CTNND2: variants seen among roughly 807,000 people sequenced by gnomAD.
The protein encoded by CTNND2 is catenin delta 2.
A neutral mutation model predicts 144.4 loss-of-function variants in CTNND2; 22 were observed. The ratio of observed to expected loss-of-function variants is 0.15; its 90% CI spans 0.11 to 0.22. CTNND2 has a LOEUF of 0.22. CTNND2 is among the 10% of genes least tolerant of loss of function. The pLI is 1.00. For missense variants in CTNND2, 1,353 were observed against 1,618.8 expected, an observed-to-expected ratio of 0.84 and a Z score of 2.82; for synonymous variants, 751 against 695.6, an observed-to-expected ratio of 1.08 and a Z score of -1.25.
In CTNND2 at chr5:11,000,079, A is replaced by G. The variant is rs927334942; in HGVS notation, c.3085-7402T>C. ...GAATCTATAACACTCTCCATTTTAT[A>G]TTTCTGAACATCCTGTAAACATCGC... is the stretch of plus-strand genomic sequence containing the variant. On this transcript the variant is annotated intron_variant, in intron 18 of 21. Transcript: ENST00000304623. Among the ~76,000 whole-genome samples the G allele has an allele frequency of 9.2e-5, 14 of 152,292 alleles. 1 individual carries two copies. Among genetic ancestry groups the G allele is most frequent in the Admixed American group, 9.1e-4 (14 of 15,302 alleles).
At chr5:11,872,803 G>A (rs1735257167) in intron 1 of CTNND2, among the ~76,000 whole-genome samples, 1 of 152,026 alleles carries the variant, frequency 6.6e-6, no homozygotes, top group Admixed American at 6.6e-5. Flanking sequence ...CTAGCCATAT[G>A]CAGAAAACTG....
intron 21 of CTNND2, among the ~76,000 whole-genome samples, chr5:10,979,753 A>G (rs979959241): frequency 3.3e-5 from 5 of 152,198 alleles, no homozygotes; most frequent in African/African-American, 7.2e-5. Flanking sequence ...AACACCACAC[A>G]TCTACAACCA....
intron 1 of CTNND2, among the ~76,000 whole-genome samples, chr5:11,809,165 T>C (rs1447224192): frequency 1.3e-5 from 2 of 152,218 alleles, no homozygotes; most frequent in Non-Finnish European, 2.9e-5. Flanking sequence ...GTTTTAACTA[T>C]TACTACCTTA....
At chr5:11,513,630 T>C (rs1423290719) in intron 3 of CTNND2, among the ~76,000 whole-genome samples, 3 of 152,216 alleles carry the variant, frequency 2.0e-5, no homozygotes, top group African/African-American at 7.2e-5. Flanking sequence ...TCCCTAAGTA[T>C]GTATTGATGA....
intron 1 of CTNND2, among the ~76,000 whole-genome samples, chr5:11,751,562 T>C (rs969736990): frequency 2.6e-5 from 4 of 151,916 alleles, no homozygotes. Context: ...ATGAACGTGA[T>C]CTTGTGCTTT....
chr5:11,197,400 C>G (rs1244813007), intron 11 of CTNND2, among the ~76,000 whole-genome samples: 2 of 152,164 alleles, frequency 1.3e-5, no homozygotes, highest in African/African-American at 4.8e-5. Context: ...AGGAGACAGA[C>G]AGAGAGCCTC....
At chr5:11,095,738 G>A (rs1010311766) in intron 15 of CTNND2, among the ~76,000 whole-genome samples, 14 of 152,138 alleles carry the variant, frequency 9.2e-5, no homozygotes, top group Admixed American at 5.2e-4. Flanking sequence ...TAGATGTGGC[G>A]CAGTTCTTTG....
At chr5:11,775,268 T>C (rs1047458712) in intron 1 of CTNND2, among the ~76,000 whole-genome samples, 1 of 152,210 alleles carries the variant, frequency 6.6e-6, no homozygotes, top group East Asian at 1.9e-4. Context: ...GGCATTTGAA[T>C]TGACGAAAAT....
At chr5:11,007,933 A>T (rs932100641) in intron 18 of CTNND2, among the ~76,000 whole-genome samples, 1 of 152,244 alleles carries the variant, frequency 6.6e-6, no homozygotes, top group African/African-American at 2.4e-5. Flanking sequence ...CACTTGATTA[A>T]GAACTGGAAG....
intron 2 of CTNND2, among the ~76,000 whole-genome samples, chr5:11,724,783 T>C (rs367591406): frequency 6.6e-6 from 1 of 152,238 alleles, no homozygotes; most frequent in African/African-American, 2.4e-5. Context: ...AATTTGAGCA[T>C]AATTTCTTTA....
chr5:11,071,393 T>C (rs10057715), intron 16 of CTNND2, among the ~76,000 whole-genome samples: 11,218 of 151,912 alleles, frequency 0.074, 736 homozygotes, highest in African/African-American at 0.17. Context: ...CAAAAATTAG[T>C]CAGGCATGGT....
Position 11,384,533 on chromosome 5 carries a change from T to A in CTNND2, c.1177+132A>T. ...ACTTGTTCCAGGAAAGCCCTGGCGTTCTCTGTCTCCTGCAACTACTACAAC... is the reference window on the plus strand; with the variant it reads ...ACTTGTTCCAGGAAAGCCCTGGCGTACTCTGTCTCCTGCAACTACTACAAC... On this transcript the variant is annotated intron_variant, in intron 7 of 21. Coordinates refer to ENST00000304623, the MANE Select transcript of CTNND2 (RefSeq NM_001332.4). The surrounding 1 kb of genome is among the most constrained non-coding windows in gnomAD (Gnocchi z 5.2). 1.3e-6 allele frequency: 1 copy of A among 771,348 alleles called. No individual in the cohort carries two copies. The highest frequency in any genetic ancestry group is 2.0e-6 in the Non-Finnish European group (1 of 493,386). The allele number at this position is 771,348 out of a possible 1,614,324, so 47.8% of individuals were successfully genotyped here.
intron 14 of CTNND2, among the ~76,000 whole-genome samples, chr5:11,100,802 C>T (rs762902336): frequency 1.3e-5 from 2 of 152,160 alleles, no homozygotes; most frequent in South Asian, 2.1e-4. Context: ...GCTAACCTAA[C>T]AGCAAGAGGT....
chr5:11,873,724 G>A (rs1227856535), intron 1 of CTNND2, among the ~76,000 whole-genome samples: 1 of 152,168 alleles, frequency 6.6e-6, no homozygotes, highest in Non-Finnish European at 1.5e-5. Context: ...CTTTCTGCGT[G>A]GGAATTTCCC....
chr5:11,671,104 C>T (rs1003500404), intron 2 of CTNND2, among the ~76,000 whole-genome samples: 4 of 152,180 alleles, frequency 2.6e-5, no homozygotes, highest in Non-Finnish European at 5.9e-5. Context: ...AATACTGGCC[C>T]CCCATCTCTT....
chr5:11,695,211 A>C (rs893077203), intron 2 of CTNND2, among the ~76,000 whole-genome samples: 1 of 152,218 alleles, frequency 6.6e-6, no homozygotes, highest in Non-Finnish European at 1.5e-5. Flanking sequence ...ACTGGTTTGT[A>C]TAGTATGTTA....
chr5:11,721,289 T>C (rs976680850), intron 2 of CTNND2, among the ~76,000 whole-genome samples: 2 of 152,164 alleles, frequency 1.3e-5, no homozygotes, highest in South Asian at 2.1e-4. Context: ...GAAAGTATAA[T>C]AGTGGTTTCC....
Position 11,169,618 on chromosome 5 carries a change from G to A in CTNND2, c.1976-9859C>T, listed in dbSNP as rs373526407. 1.2e-4 allele frequency among the ~76,000 whole-genome samples: 18 copies of A among 152,314 alleles called. 1 individual carries two copies. The East Asian group carries it at 2.9e-3, about 24-fold the overall frequency. ...CCATTCCAAACTCTCTGGGTCTCGA[G>A]TGAGCATGCATATATAACCTCTTAC... On this transcript the variant is annotated intron_variant, in intron 11 of 21. Coordinates refer to ENST00000304623, the MANE Select transcript of CTNND2 (RefSeq NM_001332.4).
intron 2 of CTNND2, among the ~76,000 whole-genome samples, chr5:11,610,656 C>T (rs1251036483): frequency 6.6e-6 from 1 of 152,112 alleles, no homozygotes; most frequent in East Asian, 1.9e-4. Context: ...ATGAATGTTG[C>T]CTGAACGGAT....
Sources: allele counts gnomAD v4.1 joint callset (sites outside exome capture counted in the v4.1 genomes callset), GRCh38; gene constraint gnomAD v4.1.1; non-coding constraint Gnocchi (gnomAD v3.1); transcripts MANE v1.5; gene names NCBI Gene and HGNC (gene_info 2026-07-23, HGNC 2026-07-21).